BCL11A: variants seen among roughly 807,000 people sequenced by gnomAD.
BCL11A encodes the protein BCL11 transcription factor A.
In BCL11A, 2 loss-of-function variants were observed where a neutral mutation model predicts 55.9. The ratio of observed to expected loss-of-function variants is 0.04; its 90% CI spans 0.01 to 0.11. The LOEUF (loss-of-function observed/expected upper bound fraction) is 0.11. BCL11A is among the 10% of genes least tolerant of loss of function. BCL11A has a pLI of 1.00. For missense variants in BCL11A, 817 were observed against 1,137.1 expected (o/e 0.72, Z 4.05); for synonymous variants, 465 against 473.4 (o/e 0.98, Z 0.23).
At chr2:60,538,424 G>A (rs1412149280) in intron 2 of BCL11A, 3 of 152,178 alleles carry the variant, frequency 2.0e-5, no homozygotes, top group African/African-American at 7.2e-5. Context: ...TCAGTTCCCT[G>A]TCTGCAAACT....
rs747182581 is a variant in BCL11A at position 60,460,539 on chromosome 2, C to A, written c.2373G>T (p.Thr791=). Residue 791 remains threonine (T), a synonymous_variant, in exon 4 of 4, where the codon ACG becomes ACT. Transcript: ENST00000642384. ...AAACGTCCTTCCCCACCTGGCCATGCGTTTTCATGTGCCTGGTGAGCTTGC... is the reference window on the plus strand; with the variant it reads ...AAACGTCCTTCCCCACCTGGCCATGAGTTTTCATGTGCCTGGTGAGCTTGC... ...QSSKLTRHMK[T]HGQVGKDVYK... The A allele has an allele frequency of 1.9e-6, 3 of 1,614,138 alleles. No individual in the cohort carries two copies. Among genetic ancestry groups the A allele is most frequent in the African/African-American group, 1.3e-5 (1 of 75,040 alleles).
Position 60,459,326 on chromosome 2 carries a change from C to G in BCL11A, c.*1078G>C. The G allele has an allele frequency of 9.8e-7, 1 of 1,017,132 alleles. No individual in the cohort carries two copies. 63.0% of individuals were successfully genotyped at this position (1,017,132 alleles called of 1,614,324 possible). On this transcript the variant is annotated 3_prime_UTR_variant, in exon 4 of 4. Transcript: ENST00000642384. ...ATATCTTCATAAAATGAACTCCTTACTAGTGTATTTAATTGCGTTCCAGGG... is the reference window on the plus strand; with the variant it reads ...ATATCTTCATAAAATGAACTCCTTAGTAGTGTATTTAATTGCGTTCCAGGG...
intron 2 of BCL11A, among the ~76,000 whole-genome samples, chr2:60,540,810 C>T (rs935956413): frequency 5.3e-5 from 8 of 152,154 alleles, no homozygotes; most frequent in African/African-American, 1.9e-4. Flanking sequence ...TTTTCCAGCC[C>T]ATGTGCAGCT....
At chr2:60,475,950 G>A (rs911654171) in intron 2 of BCL11A, among the ~76,000 whole-genome samples, 38 of 152,172 alleles carry the variant, frequency 2.5e-4, no homozygotes, top group Admixed American at 1.8e-3. Flanking sequence ...CAGCTGTTTC[G>A]TGACTTTGAA....
intron 3 of BCL11A, among the ~76,000 whole-genome samples, chr2:60,467,940 TGGTGGTG>T (rs1411591901): frequency 4.3e-4 from 59 of 136,264 alleles, no homozygotes; most frequent in Non-Finnish European, 7.3e-4. Flanking sequence ...GTGATGGTGG[TGGTGGTG>T]ATGGTACTGG....
chr2:60,547,232 T>G lies in BCL11A; in HGVS notation c.56-932A>C, dbSNP rs563042074. 8.5e-5 allele frequency among the ~76,000 whole-genome samples: 13 copies of G among 152,350 alleles called. No individual in the cohort carries two copies. The South Asian group carries it at 2.7e-3, about 32-fold the overall frequency. Reference sequence around the variant, plus strand: ...ATTTCAGAGCAAGGCTGAGAAGTCCTTTCTTTAGACTTGAAATACTTCGCC... The same window carrying G: ...ATTTCAGAGCAAGGCTGAGAAGTCCGTTCTTTAGACTTGAAATACTTCGCC... On this transcript the variant is annotated intron_variant, in intron 1 of 3. Transcript: ENST00000642384.
intron 2 of BCL11A, among the ~76,000 whole-genome samples, chr2:60,498,369 C>G (rs772571824): frequency 4.6e-5 from 7 of 152,012 alleles, no homozygotes; most frequent in Non-Finnish European, 7.4e-5. Flanking sequence ...TACCGCGACC[C>G]CTATCAGTGC....
intron 2 of BCL11A, among the ~76,000 whole-genome samples, chr2:60,520,105 T>C (rs927542269): frequency 7.2e-5 from 11 of 152,152 alleles, no homozygotes; most frequent in African/African-American, 2.2e-4. Flanking sequence ...TTTCTGAAAA[T>C]TGAAAAATTC....
At chr2:60,502,421 T>G (rs1411226977) in intron 2 of BCL11A, among the ~76,000 whole-genome samples, 1 of 152,232 alleles carries the variant, frequency 6.6e-6, no homozygotes, top group Non-Finnish European at 1.5e-5. Flanking sequence ...ACAGAATAAC[T>G]TCTTCATCAG....
intron 2 of BCL11A, among the ~76,000 whole-genome samples, chr2:60,500,354 C>A (rs569861150): frequency 6.6e-6 from 1 of 152,198 alleles, no homozygotes; most frequent in Admixed American, 6.5e-5. Flanking sequence ...TATGCACTGC[C>A]TCTGCTTCCC....
intron 2 of BCL11A, among the ~76,000 whole-genome samples, chr2:60,511,530 A>G (rs1679984969): frequency 6.6e-6 from 1 of 152,134 alleles, no homozygotes; most frequent in East Asian, 1.9e-4. Context: ...GATTTCTGAC[A>G]GTTCTTTTTT....
intron 2 of BCL11A, among the ~76,000 whole-genome samples, chr2:60,509,589 A>G (rs1032479775): frequency 6.6e-6 from 1 of 152,230 alleles, no homozygotes; most frequent in East Asian, 1.9e-4. Context: ...AAGAAATGCA[A>G]GAAACAAAGC....
At chr2:60,537,220 T>C (rs1176561001) in intron 2 of BCL11A, 1 of 152,254 alleles carries the variant, frequency 6.6e-6, no homozygotes, top group Non-Finnish European at 1.5e-5. Context: ...GATTTATTAT[T>C]AAAATTTTTT....
At chr2:60,543,384 T>G (rs767560025) in intron 2 of BCL11A, 19 of 152,236 alleles carry the variant, frequency 1.2e-4, no homozygotes, top group Non-Finnish European at 2.6e-4. Flanking sequence ...TCCTTTCTTT[T>G]TGTGACACAA....
At chr2:60,467,147 A>ATGGTGGTGGTGG (rs200378268) in intron 3 of BCL11A, among the ~76,000 whole-genome samples, 1 of 45,032 alleles carries the variant, frequency 2.2e-5, no homozygotes, top group African/African-American at 7.1e-5. Flanking sequence ...GTTGGTGGTG[A>ATGGTGGTGGTGG]TGGTGGTGGT....
intron 2 of BCL11A, among the ~76,000 whole-genome samples, chr2:60,472,186 T>C (rs923948011): frequency 6.6e-6 from 1 of 152,190 alleles, no homozygotes; most frequent in Non-Finnish European, 1.5e-5. Context: ...AGGCTCTCCA[T>C]CAGGTCCAGG....
intron 2 of BCL11A, chr2:60,526,465 A>G (rs1470927875): frequency 6.6e-6 from 1 of 152,220 alleles, no homozygotes; most frequent in Non-Finnish European, 1.5e-5. Flanking sequence ...CCCCCTCTGC[A>G]TCGCAGACAG....
chr2:60,552,704 A>AGG (rs1670470260), intron 1 of BCL11A, among the ~76,000 whole-genome samples: 3 of 151,988 alleles, frequency 2.0e-5, no homozygotes, highest in Admixed American at 6.5e-5. Flanking sequence ...TGGTGTCCAA[A>AGG]AGCCAGTCTC....
intron 2 of BCL11A, among the ~76,000 whole-genome samples, chr2:60,498,037 C>G (rs1679052737): frequency 6.6e-6 from 1 of 151,842 alleles, no homozygotes; most frequent in South Asian, 2.1e-4. Context: ...GAGGGACCCA[C>G]CTGGCAGACC....
Sources: allele counts gnomAD v4.1 joint callset (sites outside exome capture counted in the v4.1 genomes callset), GRCh38; gene constraint gnomAD v4.1.1; transcripts MANE v1.5; gene names NCBI Gene and HGNC (gene_info 2026-07-23, HGNC 2026-07-21).